The following PSMC2 variants were observed in gnomAD, a reference collection of about 807,000 sequenced individuals.
PSMC2 encodes the protein 26S proteasome regulatory subunit 7.
In PSMC2, 7 loss-of-function variants were observed where a neutral mutation model predicts 53.3. The ratio of observed to expected loss-of-function variants is 0.13; its 90% CI spans 0.07 to 0.25. PSMC2 has a LOEUF of 0.25. Among genes scored for constraint, PSMC2 ranks in the 10% least tolerant of loss-of-function variants. The pLI, the probability that PSMC2 is intolerant of heterozygous loss-of-function variation, is 1.00. For synonymous variants in PSMC2, 169 were observed against 183.9 expected (o/e 0.92, Z 0.66); for missense variants, 241 against 544.0 (o/e 0.44, Z 5.54).
chr7:103,353,817 C>T, intron 1 of PSMC2, 104 bp from the exon 2 acceptor site: 1 of 1,010,562 alleles, frequency 9.9e-7, no homozygotes, highest in Non-Finnish European at 1.5e-6. Context: ...TTGACACTCA[C>T]TTAAAACAAT....
rs528440449 is a variant in PSMC2 at position 103,365,407 on chromosome 7, G to A, written c.757-669G>A. Among the ~76,000 whole-genome samples the A allele has an allele frequency of 9.2e-5, 14 of 152,192 alleles. No homozygotes were observed. In the East Asian group the frequency reaches 1.4e-3, roughly 15 times the overall value. On this transcript the variant is annotated intron_variant, in intron 8 of 11. Transcript: ENST00000292644. ...AGCACTTTGGGAGGCAGAGGCAGGC[G>A]GATCACCTAAGGTCAGGAGTTGGAA... is the stretch of plus-strand genomic sequence containing the variant.
At chr7:103,355,895 T>C (rs574516563) in intron 4 of PSMC2, 102 bp downstream of exon 4, 1 of 774,910 alleles carries the variant, frequency 1.3e-6, no homozygotes, top group South Asian at 2.7e-5. Context: ...TAATTTTGAT[T>C]CCAAATTCCA....
chr7:103,353,047 T>G, intron 1 of PSMC2: 1 of 765,472 alleles, frequency 1.3e-6, no homozygotes, highest in Admixed American at 1.7e-5. Context: ...CAAATAAATT[T>G]GAGCAGCTAA....
At chr7:103,349,594 A>AC (rs35276868) in intron 1 of PSMC2, among the ~76,000 whole-genome samples, 21 of 151,300 alleles carry the variant, frequency 1.4e-4, no homozygotes, top group African/African-American at 2.2e-4. Context: ...GATTACAGGC[A>AC]CCCCCCCACC....
chr7:103,366,373 T>A (rs897313285), intron 9 of PSMC2, among the ~76,000 whole-genome samples: 1 of 152,234 alleles, frequency 6.6e-6, no homozygotes, highest in South Asian at 2.1e-4. Context: ...TTTCAAAGCC[T>A]TTATTTTTGT....
chr7:103,369,109 A>G lies in PSMC2; in HGVS notation c.*1055A>G, dbSNP rs1306449443. ...TTTTAATTCACAATAGAAAAAGTTG[A>G]CAACATAGAAAATGCTGCTTTGCAC... On this transcript the variant is annotated 3_prime_UTR_variant, in exon 12 of 12. Coordinates refer to ENST00000292644, the MANE Select transcript of PSMC2 (RefSeq NM_002803.4). 1 of 152,216 alleles carries G rather than the reference A, an allele frequency of 6.6e-6. No individual in the cohort carries two copies. The highest frequency in any genetic ancestry group is 1.5e-5 in the Non-Finnish European group (1 of 68,030). The allele number at this position is 152,216 out of a possible 1,614,324, so 9.4% of individuals were successfully genotyped here. A position where few individuals can be genotyped will look rare whatever the true frequency, so the allele number is the denominator to read the frequency against.
At chr7:103,364,958 C>CATACATATATATATATATATATATAT (rs374432802) in intron 8 of PSMC2, among the ~76,000 whole-genome samples, 5 of 125,482 alleles carry the variant, frequency 4.0e-5, no homozygotes, top group African/African-American at 1.5e-4. Context: ...TGTAGACATA[C>CATACATATATATATATATATATATAT]ATATATATAT....
chr7:103,361,824 C>T, intron 4 of PSMC2, 133 bp from the exon 5 acceptor site: 1 of 845,006 alleles, frequency 1.2e-6, no homozygotes, highest in Admixed American at 3.9e-5. Flanking sequence ...AGAAAAGGAT[C>T]TTTAACAGTG....
At position 103,368,541 on chromosome 7, in the gene PSMC2, A is replaced by T. The variant is rs1820843724; in HGVS notation, c.*487A>T. On this transcript the variant is annotated 3_prime_UTR_variant, in exon 12 of 12. Coordinates refer to ENST00000292644, the MANE Select transcript of PSMC2 (RefSeq NM_002803.4). Reference sequence around the variant, plus strand: ...AAGTAGCTCACTTAGGCGTATGACCACATGCATTATGATAGTTTCCCACCA... The same window carrying T: ...AAGTAGCTCACTTAGGCGTATGACCTCATGCATTATGATAGTTTCCCACCA... 6.6e-6 allele frequency: 1 copy of T among 152,454 alleles called. No homozygotes were observed. The highest frequency in any genetic ancestry group is 6.5e-5 in the Admixed American group (1 of 15,302). The allele number at this position is 152,454 out of a possible 1,614,324, so 9.4% of individuals were successfully genotyped here. A position where few individuals can be genotyped will look rare whatever the true frequency, so the allele number is the denominator to read the frequency against.
In PSMC2 at chr7:103,367,197, G is replaced by A. The variant is rs912436374; in HGVS notation, c.845-216G>A. On this transcript the variant is annotated intron_variant, in intron 9 of 11. Coordinates refer to ENST00000292644, the MANE Select transcript of PSMC2 (RefSeq NM_002803.4). The surrounding 1 kb of genome is among the most constrained non-coding windows in gnomAD (Gnocchi z 6.1). ...CTGCCCCATAGGCAGTTTAAAAAAC[G>A]TTAAGTAAATCTGTGATGAATACTT... Among the ~76,000 whole-genome samples, 3 of 152,124 alleles carry A rather than the reference G, an allele frequency of 2.0e-5. No individual in the cohort carries two copies. Among genetic ancestry groups the A allele is most frequent in the African/African-American group, 7.2e-5 (3 of 41,416 alleles).
In PSMC2 at chr7:103,368,572, T is replaced by C. The variant is rs1820845785; in HGVS notation, c.*518T>C. ...ATTATGATAGTTTCCCACCACCATA[T>C]TGAATAATAAAAGCTTTGGCCAAAG... On this transcript the variant is annotated 3_prime_UTR_variant, in exon 12 of 12. Transcript: ENST00000292644. 6.6e-6 allele frequency: 1 copy of C among 152,208 alleles called. No homozygotes were observed. The highest frequency in any genetic ancestry group is 2.4e-5 in the African/African-American group (1 of 41,456). 9.4% of individuals were successfully genotyped at this position (152,208 alleles called of 1,614,324 possible).
chr7:103,361,510 C>CAA (rs759044767), intron 4 of PSMC2, among the ~76,000 whole-genome samples: 1,357 of 49,420 alleles, frequency 0.027, 28 homozygotes, highest in African/African-American at 0.057. Context: ...AACTCCATCT[C>CAA]AAAAAAAAAA....
chr7:103,351,585 C>T (rs1443982419), intron 1 of PSMC2, among the ~76,000 whole-genome samples: 1 of 152,152 alleles, frequency 6.6e-6, no homozygotes. Context: ...ACATTTTAAG[C>T]ACAGTGAACC....
chr7:103,368,861 A>C lies in PSMC2; in HGVS notation c.*807A>C, dbSNP rs1347555268. On this transcript the variant is annotated 3_prime_UTR_variant, in exon 12 of 12. Transcript: ENST00000292644. ...ACAAATTACTTTAAAATTTTGGTAA[A>C]GTTTCTGTTAGGCTTCTGGTCTACA... is the stretch of plus-strand genomic sequence containing the variant. 1.3e-5 allele frequency: 2 copies of C among 152,182 alleles called. No homozygotes were observed. The highest frequency in any genetic ancestry group is 1.3e-4 in the Admixed American group (2 of 15,280). The allele number at this position is 152,182 out of a possible 1,614,324, so 9.4% of individuals were successfully genotyped here. A position where few individuals can be genotyped will look rare whatever the true frequency, so the allele number is the denominator to read the frequency against.
At chr7:103,356,791 A>G (rs112011644) in intron 4 of PSMC2, among the ~76,000 whole-genome samples, 15 of 152,318 alleles carry the variant, frequency 9.8e-5, no homozygotes, top group African/African-American at 3.6e-4. Flanking sequence ...AAATATACCA[A>G]TATTTCCATT....
intron 4 of PSMC2, among the ~76,000 whole-genome samples, chr7:103,357,764 G>C (rs539668019): frequency 6.6e-6 from 1 of 152,228 alleles, no homozygotes; most frequent in East Asian, 1.9e-4. Context: ...TTGTTATAAC[G>C]TCTTGTTTTT....
At chr7:103,352,017 TA>T in intron 1 of PSMC2, among the ~76,000 whole-genome samples, 1 of 152,090 alleles carries the variant, frequency 6.6e-6, no homozygotes, top group East Asian at 1.9e-4. Context: ...TAATTCTTCC[TA>T]AGGCACAGTT....
At chr7:103,348,900 T>C (rs1173430846) in intron 1 of PSMC2, 2 of 468,338 alleles carry the variant, frequency 4.3e-6, no homozygotes, top group South Asian at 2.1e-5. Flanking sequence ...AGTGCACAAG[T>C]ACAAATTGTA....
chr7:103,365,636 T>C (rs1820676376), intron 8 of PSMC2, among the ~76,000 whole-genome samples: 1 of 149,802 alleles, frequency 6.7e-6, no homozygotes, highest in Admixed American at 6.6e-5. Flanking sequence ...TCTCAAAAAA[T>C]AAAATTAAAA....
Sources: allele counts gnomAD v4.1 joint callset (sites outside exome capture counted in the v4.1 genomes callset), GRCh38; gene constraint gnomAD v4.1.1; non-coding constraint Gnocchi (gnomAD v3.1); transcripts MANE v1.5; gene names NCBI Gene and HGNC (gene_info 2026-07-23, HGNC 2026-07-21).